Variants in SCHIP1 observed in about 807,000 individuals in gnomAD.
SCHIP1 encodes the protein schwannomin-interacting protein 1.
Under a neutral mutation model 29.7 loss-of-function variants are expected in SCHIP1, and 8 were observed. The observed-to-expected ratio is 0.27, with a 90% confidence interval of 0.16 to 0.49. The LOEUF (loss-of-function observed/expected upper bound fraction) is 0.49, where lower values mean the gene tolerates loss of function less well. SCHIP1 is among the 20% of genes least tolerant of loss of function. The pLI is 0.99. For synonymous variants in SCHIP1, 76 were observed against 94.9 expected (o/e 0.80, Z 1.16); for missense variants, 193 against 294.6 (o/e 0.66, Z 2.52).
At chr3:159,781,045 T>G in the SCHIP1 span, among the ~76,000 whole-genome samples, 1 of 152,254 alleles carries the variant, frequency 6.6e-6, no homozygotes, top group Non-Finnish European at 1.5e-5. Context: ...AAATTTTATA[T>G]TTTTAATGTG....
chr3:159,637,094 A>T, the SCHIP1 span, among the ~76,000 whole-genome samples: 1 of 152,334 alleles, frequency 6.6e-6, no homozygotes, highest in East Asian at 1.9e-4. Context: ...AGAACAGTTG[A>T]TCATTTGAAG....
the SCHIP1 span, among the ~76,000 whole-genome samples, chr3:159,328,368 G>T: frequency 1.9e-4 from 29 of 152,184 alleles, no homozygotes; most frequent in African/African-American, 7.0e-4. Flanking sequence ...AAGGAAGGAA[G>T]AAAGTTAGTG....
the SCHIP1 span, among the ~76,000 whole-genome samples, chr3:159,560,756 T>C: frequency 1.3e-5 from 2 of 152,076 alleles, no homozygotes; most frequent in African/African-American, 4.8e-5. Context: ...TTAATGATTT[T>C]TCCTGCTGAT....
the SCHIP1 span, among the ~76,000 whole-genome samples, chr3:159,595,639 C>T: frequency 1.3e-5 from 2 of 152,066 alleles, no homozygotes; most frequent in South Asian, 2.1e-4. Flanking sequence ...AGATATGATT[C>T]CCCTAAATCA....
chr3:159,399,935 C>A, the SCHIP1 span, among the ~76,000 whole-genome samples: 12 of 152,292 alleles, frequency 7.9e-5, no homozygotes, highest in South Asian at 2.5e-3. Flanking sequence ...GCCTTGGCCT[C>A]CCGAAGTGCT....
chr3:159,459,933 C>T, the SCHIP1 span, among the ~76,000 whole-genome samples: 7 of 152,146 alleles, frequency 4.6e-5, no homozygotes, highest in Admixed American at 2.6e-4. Context: ...ATCCTGCCAA[C>T]ACCTTGATCT....
chr3:159,795,903 C>G, the SCHIP1 span, among the ~76,000 whole-genome samples: 2 of 152,244 alleles, frequency 1.3e-5, no homozygotes, highest in South Asian at 4.1e-4. Flanking sequence ...TTTGCTGCAT[C>G]AGATATATAT....
At chr3:159,687,994 C>A in the SCHIP1 span, among the ~76,000 whole-genome samples, 1 of 152,228 alleles carries the variant, frequency 6.6e-6, no homozygotes, top group African/African-American at 2.4e-5. Context: ...TTTATTCAGT[C>A]TAACATTGAT....
chr3:159,586,226 C>T, the SCHIP1 span, among the ~76,000 whole-genome samples: 10 of 152,128 alleles, frequency 6.6e-5, no homozygotes, highest in African/African-American at 2.4e-4. Flanking sequence ...TCTATTTCTC[C>T]AGCTGTCCTG....
At chr3:159,550,583 TAA>T in the SCHIP1 span, among the ~76,000 whole-genome samples, 1 of 152,168 alleles carries the variant, frequency 6.6e-6, no homozygotes. Context: ...ATATAGAAAG[TAA>T]AAGTGTTCTG....
the SCHIP1 span, among the ~76,000 whole-genome samples, chr3:159,680,614 GTATATATAATATATATT>G: frequency 4.7e-3 from 365 of 78,058 alleles, 10 homozygotes; most frequent in Non-Finnish European, 5.8e-3. Context: ...TATTATATAT[GTATATATAATATATATT>G]TTATATATTA....
the SCHIP1 span, among the ~76,000 whole-genome samples, chr3:159,658,602 C>T: frequency 2.0e-5 from 3 of 152,148 alleles, no homozygotes; most frequent in African/African-American, 7.2e-5. Context: ...CCTTAGTTCT[C>T]ATCTGTTTAT....
the SCHIP1 span, among the ~76,000 whole-genome samples, chr3:159,550,182 C>T: frequency 2.3e-5 from 3 of 131,564 alleles, no homozygotes; most frequent in African/African-American, 8.0e-5. Flanking sequence ...TATTCCCAAC[C>T]TGCTGAAATG....
chr3:159,764,695 G>A, the SCHIP1 span: 43 of 1,579,434 alleles, frequency 2.7e-5, no homozygotes, highest in Non-Finnish European at 3.4e-5. This position sits in a 1 kb window ranked among gnomAD's most constrained non-coding sequence, Gnocchi z 6.1. Flanking sequence ...AGAGGAGGAC[G>A]AGCGCGACCA....
the SCHIP1 span, among the ~76,000 whole-genome samples, chr3:159,787,067 C>T: frequency 1.3e-5 from 2 of 152,054 alleles, no homozygotes; most frequent in South Asian, 4.2e-4. Context: ...CCTATGTAAT[C>T]TTATTTTTGT....
At chr3:159,440,647 G>T in the SCHIP1 span, among the ~76,000 whole-genome samples, 3 of 152,042 alleles carry the variant, frequency 2.0e-5, no homozygotes, top group African/African-American at 7.2e-5. Flanking sequence ...CTCCTAATTT[G>T]CTCTCATTTG....
chr3:159,552,796 C>T, the SCHIP1 span, among the ~76,000 whole-genome samples: 1 of 152,120 alleles, frequency 6.6e-6, no homozygotes, highest in Non-Finnish European at 1.5e-5. Context: ...CAATCAAAGC[C>T]GAGCTCCTTA....
chr3:159,499,747 A>G, the SCHIP1 span, among the ~76,000 whole-genome samples: 1 of 152,248 alleles, frequency 6.6e-6, no homozygotes, highest in African/African-American at 2.4e-5. Context: ...AACAAGTGAA[A>G]GGTATTATGC....
the SCHIP1 span, among the ~76,000 whole-genome samples, chr3:159,518,972 T>C: frequency 6.6e-6 from 1 of 152,112 alleles, no homozygotes; most frequent in Non-Finnish European, 1.5e-5. Flanking sequence ...TTTACATGTA[T>C]TTAACTTGAG....
Sources: allele counts gnomAD v4.1 joint callset (sites outside exome capture counted in the v4.1 genomes callset), GRCh38; gene constraint gnomAD v4.1.1; non-coding constraint Gnocchi (gnomAD v3.1); transcripts MANE v1.5; gene names NCBI Gene and HGNC (gene_info 2026-07-23, HGNC 2026-07-21).